Variants in FAM20C observed in about 807,000 individuals in gnomAD.
FAM20C encodes the protein FAM20C golgi associated secretory pathway kinase, also known as extracellular serine/threonine protein kinase FAM20C.
Under a neutral mutation model 51.5 loss-of-function variants are expected in FAM20C, and 40 were observed. The ratio of observed to expected loss-of-function variants is 0.78; its 90% confidence interval spans 0.60 to 1.01. FAM20C has a LOEUF of 1.01. FAM20C is among the 50% of genes least tolerant of loss of function. The pLI, the probability that FAM20C is intolerant of heterozygous loss-of-function variation, is 0.00. For missense variants in FAM20C, 861 were observed against 844.7 expected (o/e 1.02, Z -0.24); for synonymous variants, 406 against 380.6 (o/e 1.07, Z -0.78).
At chr7:205,298 A>ACCGCCACGACGTCAGCC (rs1201470887) in intron 2 of FAM20C, among the ~76,000 whole-genome samples, 1 of 145,406 alleles carries the variant, frequency 6.9e-6, no homozygotes. Flanking sequence ...ACGGACACGC[A>ACCGCCACGACGTCAGCC]CCACCACGAC....
At chr7:245,468 G>T (rs373192524) in intron 3 of FAM20C, among the ~76,000 whole-genome samples, 1 of 151,840 alleles carries the variant, frequency 6.6e-6, no homozygotes, top group African/African-American at 2.4e-5. Context: ...TGGGTTGGAG[G>T]CTGAGTTCCC....
intron 5 of FAM20C, among the ~76,000 whole-genome samples, chr7:255,304 T>A (rs1788548117): frequency 6.6e-6 from 1 of 152,190 alleles, no homozygotes; most frequent in East Asian, 1.9e-4. Context: ...CACCGTGGCT[T>A]TGATTTGCAT....
chr7:216,680 T>A (rs199737388), intron 3 of FAM20C, among the ~76,000 whole-genome samples: 5,474 of 94,990 alleles, frequency 0.058, 343 homozygotes, highest in African/African-American at 0.17. Context: ...AGAGTGTGTG[T>A]GAGAGTGTGT....
At chr7:222,686 A>T (rs1179973620) in intron 3 of FAM20C, among the ~76,000 whole-genome samples, 1 of 152,178 alleles carries the variant, frequency 6.6e-6, no homozygotes, top group Non-Finnish European at 1.5e-5. Context: ...AGCCCAGCAC[A>T]AGGGGAGGCA....
chr7:250,209 G>T (rs537464236), intron 5 of FAM20C, among the ~76,000 whole-genome samples: 58 of 152,232 alleles, frequency 3.8e-4, no homozygotes, highest in African/African-American at 1.3e-3. Flanking sequence ...CGGACTCTGC[G>T]CTTTCTCTTA....
chr7:224,477 A>ACAACCTGGGTT, intron 3 of FAM20C, among the ~76,000 whole-genome samples: 1 of 8,120 alleles, frequency 1.2e-4, no homozygotes. Context: ...ATTGCGCAGA[A>ACAACCTGGGTT]TGGCACCGTC....
At chr7:241,780 AGTGT>A (rs1291338856) in intron 3 of FAM20C, among the ~76,000 whole-genome samples, 1 of 146,120 alleles carries the variant, frequency 6.8e-6, no homozygotes. Flanking sequence ...TGCATGAGCG[AGTGT>A]GTGTGCATGT....
intron 3 of FAM20C, among the ~76,000 whole-genome samples, chr7:235,285 G>A (rs1326861211): frequency 1.3e-5 from 2 of 152,056 alleles, no homozygotes; most frequent in African/African-American, 2.4e-5. Flanking sequence ...CTGCCTCCAC[G>A]GTCTGGGGTA....
At chr7:222,964 A>C (rs1787303915) in intron 3 of FAM20C, among the ~76,000 whole-genome samples, 1 of 151,784 alleles carries the variant, frequency 6.6e-6, no homozygotes, top group Non-Finnish European at 1.5e-5. Flanking sequence ...GAGGGCGTTC[A>C]TCTGTTGTCA....
chr7:223,893 G>T (rs1031197087), intron 3 of FAM20C, among the ~76,000 whole-genome samples: 2 of 152,222 alleles, frequency 1.3e-5, no homozygotes, highest in Admixed American at 1.3e-4. Context: ...AAGCACAGAA[G>T]GACGAGGAGG....
chr7:207,740 C>T lies in FAM20C; in HGVS notation c.785-1158C>T, dbSNP rs139752381. On this transcript the variant is annotated intron_variant, in intron 2 of 9. Coordinates refer to ENST00000313766, the MANE Select transcript of FAM20C (RefSeq NM_020223.4). Reference sequence around the variant, plus strand: ...AATCCCCCGCGTGGCCCGGACCTACCGGTCCACAGCGCGTGACAATCTCCC... The same window carrying T: ...AATCCCCCGCGTGGCCCGGACCTACTGGTCCACAGCGCGTGACAATCTCCC... 6.7e-3 allele frequency among the ~76,000 whole-genome samples: 1,024 copies of T among 152,348 alleles called. 10 individuals carry two copies. The highest frequency in any genetic ancestry group is 0.023 in the African/African-American group (953 of 41,576).
At chr7:228,316 T>A (rs1730812214) in intron 3 of FAM20C, 1 of 377,128 alleles carries the variant, frequency 2.7e-6, no homozygotes, top group Non-Finnish European at 5.4e-6. Flanking sequence ...AGAAGGCAGG[T>A]TCATTGGAAA....
In FAM20C at chr7:192,775, C is replaced by T. The variant is rs1339115574; in HGVS notation, c.-425C>T. On this transcript the variant is annotated 5_prime_UTR_variant, in exon 1 of 10. Transcript: ENST00000313766. The stretch of plus-strand genomic sequence containing the variant: ...CGCCCGCCCGGCGCCTGGAGAGGAG[C>T]GCGCTGAGGATCGGGACGCCTGCGG... Among the ~76,000 whole-genome samples, 1 of 145,002 alleles carries T rather than the reference C, an allele frequency of 6.9e-6. No homozygotes were observed. Among genetic ancestry groups the T allele is most frequent in the Non-Finnish European group, 1.5e-5 (1 of 65,336 alleles).
chr7:246,265 GC>G (rs2115145485), intron 3 of FAM20C, 149 bp from the exon 4 acceptor site: 1 of 604,794 alleles, frequency 1.7e-6, no homozygotes, highest in South Asian at 1.8e-5. Flanking sequence ...GCAGCTGGGT[GC>G]CCAGGGTCCC....
In FAM20C at chr7:251,273, C is replaced by G. The variant is rs1430346610; in HGVS notation, c.1072+2843C>G. Among the ~76,000 whole-genome samples the G allele has an allele frequency of 6.3e-3, 417 of 66,048 alleles. 57 individuals carry two copies. The highest frequency in any genetic ancestry group is 9.0e-3 in the Non-Finnish European group (238 of 26,444). The allele number at this position is 66,048 out of a possible 152,430, so 43.3% of individuals were successfully genotyped here. ...GTGGCCGGGCACGGTGGCTCACACG[C>G]CTGCAATCCCAGTACTGGGAGGACC... On this transcript the variant is annotated intron_variant, in intron 5 of 9. Transcript: ENST00000313766.
At chr7:209,888 G>A (rs931430761) in intron 3 of FAM20C, among the ~76,000 whole-genome samples, 14 of 152,222 alleles carry the variant, frequency 9.2e-5, no homozygotes, top group African/African-American at 3.4e-4. Flanking sequence ...GTTTGCAGCT[G>A]GGCTCGGTTT....
intron 5 of FAM20C, among the ~76,000 whole-genome samples, chr7:251,023 C>T (rs1158845064): frequency 6.6e-6 from 1 of 152,202 alleles, no homozygotes; most frequent in Admixed American, 6.5e-5. Context: ...TCAATGATGC[C>T]CACTGATGCT....
intron 2 of FAM20C, among the ~76,000 whole-genome samples, chr7:198,148 C>T (rs866040035): frequency 3.9e-5 from 6 of 152,312 alleles, no homozygotes; most frequent in East Asian, 1.9e-4. Context: ...GGTGGGGACC[C>T]GTCCAAGGAC....
At chr7:255,203 G>T (rs922643310) in intron 5 of FAM20C, among the ~76,000 whole-genome samples, 1 of 152,178 alleles carries the variant, frequency 6.6e-6, no homozygotes, top group African/African-American at 2.4e-5. Flanking sequence ...TGCACCCCCC[G>T]CCAGCAGCGC....
Sources: gnomAD v4.1 joint callset for allele counts (sites outside exome capture counted in the v4.1 genomes callset) on GRCh38, gnomAD v4.1.1 for gene constraint, MANE v1.5 for transcripts, NCBI Gene and HGNC (gene_info 2026-07-23, HGNC 2026-07-21) for gene names.